The following DIDO1 variants were observed in gnomAD, a reference collection of about 807,000 sequenced individuals.
The protein encoded by DIDO1 is death inducer-obliterator 1.
Under a neutral mutation model 99.4 loss-of-function variants are expected in DIDO1, and 16 were observed. The observed-to-expected ratio is 0.16, with a 90% CI of 0.11 to 0.24. The LOEUF (loss-of-function observed/expected upper bound fraction) is 0.24, where lower values mean the gene tolerates loss of function less well. DIDO1 is among the 10% of genes least tolerant of loss of function. The pLI is 1.00. For missense variants in DIDO1, 2,996 were observed against 3,014.0 expected, an observed-to-expected ratio of 0.99 and a Z score of 0.14; for synonymous variants, 1,366 against 1,239.1, an observed-to-expected ratio of 1.10 and a Z score of -2.15.
intron 3 of DIDO1, among the ~76,000 whole-genome samples, chr20:62,910,295 T>C (rs985066391): frequency 2.6e-5 from 4 of 152,216 alleles, no homozygotes; most frequent in African/African-American, 4.8e-5. Context: ...AATGCCTTTA[T>C]CCCAGCGCCA....
chr20:62,902,587 T>C (rs1362630914), intron 6 of DIDO1, among the ~76,000 whole-genome samples: 1 of 152,220 alleles, frequency 6.6e-6, no homozygotes, highest in Non-Finnish European at 1.5e-5. Context: ...TAATGAAAAC[T>C]GAGACTGGGT....
chr20:62,918,301 C>T (rs936270835), intron 1 of DIDO1, among the ~76,000 whole-genome samples: 3 of 152,214 alleles, frequency 2.0e-5, no homozygotes, highest in Non-Finnish European at 2.9e-5. Flanking sequence ...TTAACTCAAG[C>T]GTGCCCACTT....
At chr20:62,936,474 G>T (rs1011614295) in intron 1 of DIDO1, among the ~76,000 whole-genome samples, 3 of 151,938 alleles carry the variant, frequency 2.0e-5, no homozygotes, top group African/African-American at 7.3e-5. Context: ...AGAATCACTT[G>T]AACCCAGGAG....
intron 4 of DIDO1, 144 bp downstream of exon 4, chr20:62,909,555 C>T: frequency 2.2e-6 from 2 of 889,606 alleles, no homozygotes; most frequent in Non-Finnish European, 3.5e-6. Context: ...AAAGGCCTCA[C>T]CCAGGTGGAG....
At chr20:62,905,666 A>T in intron 6 of DIDO1, 1 of 1,592,008 alleles carries the variant, frequency 6.3e-7, no homozygotes, top group Non-Finnish European at 8.6e-7. Context: ...TGAGGTTTAC[A>T]GCTTTGGAAA....
intron 1 of DIDO1, among the ~76,000 whole-genome samples, chr20:62,915,963 A>G (rs2065029942): frequency 6.6e-6 from 1 of 152,234 alleles, no homozygotes; most frequent in African/African-American, 2.4e-5. Flanking sequence ...TGAAGGATAT[A>G]CCTTCGGAAA....
chr20:62,880,569 G>T lies in DIDO1; in HGVS notation c.5387C>A (p.Pro1796Gln), dbSNP rs1280448338. 1 of 1,612,824 alleles carries T rather than the reference G, an allele frequency of 6.2e-7. No homozygotes were observed. The highest frequency in any genetic ancestry group is 1.3e-5 in the African/African-American group (1 of 74,952). Residue 1796 changes from proline to glutamine, a missense_variant, in exon 16 of 16, where the codon CCG becomes CAG. Pro to Gln is a moderately conservative substitution (Grantham distance 76, BLOSUM62 -1). Around this residue, in one of 5 missense-constraint regions of DIDO1, gnomAD observed 1,562 missense variants for 1,412.6 expected, o/e 1.11. Transcript: ENST00000395343. ...IASNDGPRGP[P>Q]PARFGAQKGP... is the part of the protein sequence containing the mutation. ...CTTCTGGGCTCCGAATCTGGCTGGC[G>T]GAGGCCCTCGTGGCCCATCGTTAGA...
intron 4 of DIDO1, among the ~76,000 whole-genome samples, chr20:62,909,298 C>T (rs1392897606): frequency 1.1e-4 from 17 of 152,236 alleles, no homozygotes; most frequent in Admixed American, 1.1e-3. Flanking sequence ...AATTAAGTGT[C>T]AACACAGCTG....
In DIDO1 at chr20:62,885,044, C is replaced by T. The variant is rs75222377; in HGVS notation, c.3542-2630G>A. On this transcript the variant is annotated intron_variant, in intron 15 of 15. Transcript: ENST00000395343. ...ACTGAATAAGCTATTACACAGCTTA[C>T]TCAAATCCACTTTTCGGGTATGTTC... Among the ~76,000 whole-genome samples, 327 of 152,366 alleles carry T rather than the reference C, an allele frequency of 2.1e-3. 1 individual carries two copies. Among genetic ancestry groups the T allele is most frequent in the African/African-American group, 7.8e-3 (324 of 41,580 alleles).
rs2064166847 is a variant in DIDO1 at position 62,879,838 on chromosome 20, G to A, written c.6118C>T (p.Arg2040Cys). The A allele has an allele frequency of 1.2e-6, 2 of 1,605,966 alleles. No homozygotes were observed. The highest frequency in any genetic ancestry group is 1.7e-6 in the Non-Finnish European group (2 of 1,177,016). ...GAGGGCGGCCCGGCCTCCTCCCAGCGGTCCTTCCGGTGCTGCGGGGGGTGG... is the reference window on the plus strand; with the variant it reads ...GAGGGCGGCCCGGCCTCCTCCCAGCAGTCCTTCCGGTGCTGCGGGGGGTGG... The part of the protein sequence containing the change: ...PSHPPQHRKD[R>C]WEEAGPPSAL... The change falls in exon 16 of 16, where the codon CGC (arginine) becomes TGC (cysteine). Residue 2040 changes from arginine (R) to cysteine (C), a missense_variant. Arg to Cys is a radical substitution (Grantham distance 180, BLOSUM62 -3). Coordinates refer to ENST00000395343, the MANE Select transcript of DIDO1 (RefSeq NM_001193369.2). The surrounding 1 kb of genome is among the most constrained non-coding windows in gnomAD (Gnocchi z 6.3).
intron 1 of DIDO1, among the ~76,000 whole-genome samples, chr20:62,935,174 C>G (rs532917203): frequency 1.3e-5 from 2 of 152,318 alleles, no homozygotes; most frequent in African/African-American, 4.8e-5. Context: ...TACTCACCCG[C>G]ATCACTCTGG....
In DIDO1 at chr20:62,881,210, C is replaced by T. The variant is rs372820550; in HGVS notation, c.4746G>A (p.Ser1582=). The T allele has an allele frequency of 6.2e-7, 1 of 1,605,688 alleles. No homozygotes were observed. Residue 1582 remains serine, a synonymous_variant, in exon 16 of 16, where the codon TCG becomes TCA. Transcript: ENST00000395343. This position sits in a 1 kb window ranked among gnomAD's most constrained non-coding sequence, Gnocchi z 8.3. ...GCAGGGCACCCTGGGCACCACGTGC[C>T]GAGAGCCTGGAGAGAGGCTCCCCCT... ...EGEGEPLSRL[S]ARGAQGALPE... is the part of the protein sequence containing the mutation.
At chr20:62,922,915 GTTT>G (rs201653817) in intron 1 of DIDO1, among the ~76,000 whole-genome samples, 2 of 151,908 alleles carry the variant, frequency 1.3e-5, no homozygotes, top group African/African-American at 4.8e-5. Context: ...ACTTATGAGT[GTTT>G]TTTTTCTCAC....
intron 6 of DIDO1, among the ~76,000 whole-genome samples, chr20:62,904,042 C>T (rs1235196012): frequency 6.6e-6 from 1 of 152,204 alleles, no homozygotes; most frequent in Non-Finnish European, 1.5e-5. Flanking sequence ...CTTCCAACTC[C>T]ACATGTGGAG....
upstream of DIDO1, among the ~76,000 whole-genome samples, chr20:62,929,692 A>AAAAAAAAAAAAT: frequency 6.3e-5 from 4 of 63,710 alleles, no homozygotes; most frequent in African/African-American, 3.0e-4. Flanking sequence ...AAAAAGAAAA[A>AAAAAAAAAAAAT]GTGTATATAT....
chr20:62,910,272 C>T (rs562194659), intron 3 of DIDO1, among the ~76,000 whole-genome samples: 5 of 152,204 alleles, frequency 3.3e-5, no homozygotes, highest in African/African-American at 4.8e-5. Flanking sequence ...AAGTCTCCCC[C>T]CAAAACTGCG....
chr20:62,937,650 C>T, intron 1 of DIDO1: 1 of 394,884 alleles, frequency 2.5e-6, no homozygotes, highest in Non-Finnish European at 4.5e-6. Context: ...GCCGTCTCTC[C>T]CTGGACCTCA....
At chr20:62,899,894 G>C (rs1273145649) in intron 6 of DIDO1, among the ~76,000 whole-genome samples, 3 of 152,256 alleles carry the variant, frequency 2.0e-5, no homozygotes, top group Non-Finnish European at 2.9e-5. Flanking sequence ...GGACAGCATG[G>C]CTGGTGCTCA....
chr20:62,882,263 T>C lies in DIDO1; in HGVS notation c.3693A>G (p.Val1231=). 1.2e-6 allele frequency: 2 copies of C among 1,614,020 alleles called. No individual in the cohort carries two copies. The highest frequency in any genetic ancestry group is 1.1e-5 in the South Asian group (1 of 91,088). Residue 1231 remains valine (V), a synonymous_variant, in exon 16 of 16, where the codon GTA becomes GTG. Coordinates refer to ENST00000395343, the MANE Select transcript of DIDO1 (RefSeq NM_001193369.2). The part of the protein sequence containing the change: ...EEADVPAYPK[V]ATVPQSEKKP... ...TCTTTTCCGACTGCGGGACTGTGGC[T>C]ACTTTTGGATAGGCCGGAACGTCCG...
Sources: allele counts gnomAD v4.1 joint callset (sites outside exome capture counted in the v4.1 genomes callset), GRCh38; gene constraint gnomAD v4.1.1; regional missense constraint gnomAD v4.1.1; non-coding constraint Gnocchi (gnomAD v3.1); transcripts MANE v1.5; gene names NCBI Gene and HGNC (gene_info 2026-07-23, HGNC 2026-07-21).